DGKA: variants seen among roughly 807,000 people sequenced by gnomAD.
DGKA encodes the protein 80 kDa diacylglycerol kinase.
DGKA carries 35 observed loss-of-function variants against 105.0 expected under a neutral mutation model. That is an observed-to-expected ratio of 0.33 (90% CI 0.25 to 0.44). DGKA has a LOEUF of 0.44. DGKA is among the 20% of genes least tolerant of loss of function. The probability of loss-of-function intolerance (pLI) is 1.00; values close to 1 mark genes in which losing one functional copy is unlikely to be tolerated. For synonymous variants in DGKA, 296 were observed against 332.0 expected (o/e 0.89, Z 1.18); for missense variants, 665 against 915.0 (o/e 0.73, Z 3.53).
In DGKA at chr12:55,938,515, C is replaced by A; in HGVS notation, c.354C>A (p.Thr118=). 6.2e-7 allele frequency: 1 copy of A among 1,614,138 alleles called. No individual in the cohort carries two copies. The highest frequency in any genetic ancestry group is 8.5e-7 in the Non-Finnish European group (1 of 1,180,006). The part of the protein sequence containing the change: ...GGRPEDKLEF[T]FKLYDTDRNG... ...CCCCCCTAAAACACCCCACAGTCACCTTCAAGCTGTACGACACGGACAGAA... is the reference window on the plus strand; with the variant it reads ...CCCCCCTAAAACACCCCACAGTCACATTCAAGCTGTACGACACGGACAGAA... Residue 118 remains threonine, a synonymous_variant, in exon 6 of 24, where the codon ACC becomes ACA. Transcript: ENST00000331886.
rs1366630744 is a variant in DGKA, at chr12:55,932,857, G to A, written c.-82+1513G>A. 2.1e-6 allele frequency: 1 copy of A among 474,302 alleles called. No homozygotes were observed. The highest frequency in any genetic ancestry group is 3.8e-6 in the Non-Finnish European group (1 of 260,200). The allele number at this position is 474,302 out of a possible 1,614,324, so 29.4% of individuals were successfully genotyped here. A position where few individuals can be genotyped will look rare whatever the true frequency, so the allele number is the denominator to read the frequency against. On this transcript the variant is annotated intron_variant, in intron 1 of 23. Coordinates refer to ENST00000331886, the MANE Select transcript of DGKA (RefSeq NM_001345.5). The surrounding 1 kb of genome is among the most constrained non-coding windows in gnomAD (Gnocchi z 4.3). ...GGCTACCTACTAGCAGCAACGGTCA[G>A]GGAGAGGAGGAGGATACAGTCTATG...
At chr12:55,941,631 G>T (rs746334502) in intron 15 of DGKA, 47 bp downstream of exon 15, 1 of 1,579,940 alleles carries the variant, frequency 6.3e-7, no homozygotes, top group Admixed American at 1.7e-5. Flanking sequence ...GTGGGTCTGT[G>T]TATCTGTATA....
chr12:55,941,128 G>A, intron 13 of DGKA, 124 bp from the exon 14 acceptor site: 1 of 1,353,468 alleles, frequency 7.4e-7, no homozygotes, highest in Non-Finnish European at 1.0e-6. Flanking sequence ...GGAAGGGGAG[G>A]GAAACAGGAG....
At position 55,944,171 on chromosome 12, in the gene DGKA, G is replaced by A. The variant is rs370980031; in HGVS notation, c.1426+1908G>A. Reference sequence around the variant, plus strand: ...AAAAATTAGCTGGGCATGGTGGCACGCACCTGTAGTCCCAACAACTCAGGA... The same window carrying A: ...AAAAATTAGCTGGGCATGGTGGCACACACCTGTAGTCCCAACAACTCAGGA... On this transcript the variant is annotated intron_variant, in intron 17 of 23. Coordinates refer to ENST00000331886, the MANE Select transcript of DGKA (RefSeq NM_001345.5). Among the ~76,000 whole-genome samples the A allele has an allele frequency of 1.7e-3, 262 of 152,056 alleles. 4 individuals carry two copies. Among genetic ancestry groups the A allele is most frequent in the African/African-American group, 6.2e-3 (256 of 41,464 alleles).
Position 55,932,980 on chromosome 12 carries a change from A to G in DGKA, c.-82+1636A>G, listed in dbSNP as rs1049918683. 1.6e-5 allele frequency: 3 copies of G among 183,124 alleles called. No homozygotes were observed. The highest frequency in any genetic ancestry group is 2.3e-5 in the Non-Finnish European group (2 of 88,038). 11.3% of individuals were successfully genotyped at this position (183,124 alleles called of 1,614,324 possible). A position where few individuals can be genotyped will look rare whatever the true frequency, so the allele number is the denominator to read the frequency against. On this transcript the variant is annotated intron_variant, in intron 1 of 23. Coordinates refer to ENST00000331886, the MANE Select transcript of DGKA (RefSeq NM_001345.5). The surrounding 1 kb of genome is among the most constrained non-coding windows in gnomAD (Gnocchi z 4.3). ...GGCAGCCTCAATATTCTGGAGACATAGCTATTTCCTGAGTAATGGTCGACT... is the reference window on the plus strand; with the variant it reads ...GGCAGCCTCAATATTCTGGAGACATGGCTATTTCCTGAGTAATGGTCGACT...
Position 55,936,572 on chromosome 12 carries a change from G to C in DGKA, c.64+5G>C. 6.2e-7 allele frequency: 1 copy of C among 1,614,172 alleles called. No individual in the cohort carries two copies. Among genetic ancestry groups the C allele is most frequent in the Non-Finnish European group, 8.5e-7 (1 of 1,180,018 alleles). On this transcript the variant is annotated splice_donor_5th_base_variant and intron_variant, in intron 2 of 23. Coordinates refer to ENST00000331886, the MANE Select transcript of DGKA (RefSeq NM_001345.5). ...AGCTGCAAAAATACATGGAATGTGA[G>C]TCTTCCTGTCAGGCCTTCAGTTCTG...
Position 55,952,651 on chromosome 12 carries a change from G to T in DGKA, c.1744-83G>T. ...TGCCTTCTCCAGTTTGTCATCTGGT[G>T]GAGGGAGCGATCACATCTATGATCA... On this transcript the variant is annotated intron_variant, in intron 20 of 23. Transcript: ENST00000331886. The surrounding 1 kb of genome is among the most constrained non-coding windows in gnomAD (Gnocchi z 5.1). The T allele has an allele frequency of 6.7e-7, 1 of 1,500,162 alleles. No homozygotes were observed. Among genetic ancestry groups the T allele is most frequent in the Admixed American group, 1.7e-5 (1 of 59,000 alleles). The allele number at this position is 1,500,162 out of a possible 1,614,324, so 92.9% of individuals were successfully genotyped here. A position where few individuals can be genotyped will look rare whatever the true frequency, so the allele number is the denominator to read the frequency against.
intron 13 of DGKA, 29 bp downstream of exon 13, chr12:55,941,009 G>T: frequency 6.2e-7 from 1 of 1,607,470 alleles, no homozygotes; most frequent in South Asian, 1.1e-5. Context: ...TGGGCTTCAT[G>T]ATGGGGGCAG....
In DGKA at chr12:55,937,418, A is replaced by C; in HGVS notation, c.149A>C (p.Tyr50Ser). The change falls in exon 4 of 24, where the codon TAC becomes TCC. Residue 50 changes from tyrosine to serine, a missense_variant. Physicochemically the swap from Tyr to Ser is moderately radical, Grantham distance 144 (BLOSUM62 -2). Coordinates refer to ENST00000331886, the MANE Select transcript of DGKA (RefSeq NM_001345.5). ...TCACTCTCATTATAGGCCATTGGGT[A>C]CGAGGGATTCCAGCAATTCCTGAAA... ...AKYVQGDAIG[Y>S]EGFQQFLKIY... 1 of 1,614,046 alleles carries C rather than the reference A, an allele frequency of 6.2e-7. No individual in the cohort carries two copies. Among genetic ancestry groups the C allele is most frequent in the South Asian group, 1.1e-5 (1 of 91,064 alleles).
intron 18 of DGKA, 51 bp downstream of exon 18, chr12:55,951,834 C>T (rs1888211289): frequency 6.3e-7 from 1 of 1,596,800 alleles, no homozygotes; most frequent in African/African-American, 1.3e-5. Flanking sequence ...GCCAAGCAGT[C>T]AGAGGCTGGA....
At chr12:55,931,981 G>A (rs2136282124) in intron 1 of DGKA, 1 of 147,894 alleles carries the variant, frequency 6.8e-6, no homozygotes, top group Non-Finnish European at 1.5e-5. Context: ...GGGCAGGCTG[G>A]GGTGGGGGGC....
At chr12:55,935,997 C>G (rs966885799) in intron 1 of DGKA, 1 of 989,368 alleles carries the variant, frequency 1.0e-6, no homozygotes, top group Non-Finnish European at 1.2e-6. Flanking sequence ...CCGGAACTGC[C>G]GAAGACCCGA....
At chr12:55,937,633 C>A in intron 4 of DGKA, 90 bp downstream of exon 4, 1 of 1,512,748 alleles carries the variant, frequency 6.6e-7, no homozygotes, top group African/African-American at 1.4e-5. Flanking sequence ...TTGAGTCACA[C>A]GTTGTGCAGG....
chr12:55,934,134 G>C (rs1244882402), intron 1 of DGKA, among the ~76,000 whole-genome samples: 3 of 152,138 alleles, frequency 2.0e-5, no homozygotes, highest in Admixed American at 2.0e-4. Flanking sequence ...TGGGGAGCTA[G>C]GAAGGAGCAA....
At chr12:55,937,913 C>A in intron 4 of DGKA, 65 bp from the exon 5 acceptor site, 1 of 1,418,034 alleles carries the variant, frequency 7.1e-7, no homozygotes, top group Non-Finnish European at 9.9e-7. Flanking sequence ...GTGGGACAAA[C>A]AAAGGATAAA....
rs113713801 is a variant in DGKA at position 55,952,584 on chromosome 12, T to C, written c.1744-150T>C. On this transcript the variant is annotated intron_variant, in intron 20 of 23. Coordinates refer to ENST00000331886, the MANE Select transcript of DGKA (RefSeq NM_001345.5). The surrounding 1 kb of genome is among the most constrained non-coding windows in gnomAD (Gnocchi z 5.1). ...ACCCCAATTCTCCAAGTCCTCAAGA[T>C]ACACTAGTCCCTATTTCCATTCCTT... 3,790 of 1,178,106 alleles carry C rather than the reference T, an allele frequency of 3.2e-3. 90 individuals are homozygous for C. The African/African-American group carries it at 0.052, about 16-fold the overall frequency. The allele number at this position is 1,178,106 out of a possible 1,614,324, so 73.0% of individuals were successfully genotyped here.
rs1173382710 is a variant in DGKA, at chr12:55,941,501, C to G, written c.1176-9C>G. 2 of 1,613,924 alleles carry G rather than the reference C, an allele frequency of 1.2e-6. No individual in the cohort carries two copies. The highest frequency in any genetic ancestry group is 4.5e-5 in the East Asian group (2 of 44,882). ...GCCTGCCATGAACTTTTCTTTTTCC[C>G]ACACACAGGGTGCTCTGGAAGTTCC... On this transcript the variant is annotated splice_polypyrimidine_tract_variant and intron_variant, in intron 14 of 23. Coordinates refer to ENST00000331886, the MANE Select transcript of DGKA (RefSeq NM_001345.5).
chr12:55,941,635 C>A, intron 15 of DGKA, 51 bp downstream of exon 15: 1 of 1,566,764 alleles, frequency 6.4e-7, no homozygotes, highest in Non-Finnish European at 8.8e-7. Flanking sequence ...GTCTGTGTAT[C>A]TGTATATGTT....
intron 1 of DGKA, among the ~76,000 whole-genome samples, chr12:55,934,326 A>G (rs1184986321): frequency 2.0e-5 from 3 of 152,154 alleles, no homozygotes; most frequent in Non-Finnish European, 4.4e-5. Flanking sequence ...TAGAGGCCCC[A>G]TTAGCCATAA....
Sources: allele counts gnomAD v4.1 joint callset (sites outside exome capture counted in the v4.1 genomes callset), GRCh38; gene constraint gnomAD v4.1.1; non-coding constraint Gnocchi (gnomAD v3.1); transcripts MANE v1.5; gene names NCBI Gene and HGNC (gene_info 2026-07-23, HGNC 2026-07-21).